The following SLC25A48 variants were observed in gnomAD, a reference collection of about 807,000 sequenced individuals.
The protein encoded by SLC25A48 is CTC-321K16.1.
Under a neutral mutation model 32.2 loss-of-function variants are expected in SLC25A48, and 29 were observed. That is an observed-to-expected ratio of 0.90 (90% CI 0.67 to 1.23). The LOEUF (loss-of-function observed/expected upper bound fraction) is 1.23, where lower values mean the gene tolerates loss of function less well. Ranked by LOEUF, SLC25A48 falls within the 50% of genes most tolerant of loss-of-function variation. SLC25A48 has a pLI of 0.00. For missense variants in SLC25A48, 399 were observed against 422.7 expected, an observed-to-expected ratio of 0.94 and a Z score of 0.49; for synonymous variants, 164 against 172.3, an observed-to-expected ratio of 0.95 and a Z score of 0.38.
intron 3 of SLC25A48, among the ~76,000 whole-genome samples, chr5:135,715,025 G>A (rs1242263117): frequency 6.6e-6 from 1 of 152,172 alleles, no homozygotes. Flanking sequence ...GAAAGAATCT[G>A]CCCCATGGTT....
chr5:135,631,818 T>C (rs978147086), intron 2 of SLC25A48, among the ~76,000 whole-genome samples: 1 of 152,250 alleles, frequency 6.6e-6, no homozygotes, highest in Non-Finnish European at 1.5e-5. Context: ...GACTGCCACA[T>C]GATTTAAAGA....
intron 4 of SLC25A48, among the ~76,000 whole-genome samples, chr5:135,869,824 T>C (rs1457696546): frequency 6.6e-6 from 1 of 152,062 alleles, no homozygotes; most frequent in Non-Finnish European, 1.5e-5. Context: ...CCGGCTCACC[T>C]CCTATGGGAT....
intron 3 of SLC25A48, among the ~76,000 whole-genome samples, chr5:135,759,077 A>G (rs945445559): frequency 6.6e-6 from 1 of 152,018 alleles, no homozygotes; most frequent in Non-Finnish European, 1.5e-5. Context: ...TATGAATAAT[A>G]TCTAGTGTTA....
At position 135,888,152 on chromosome 5, in the gene SLC25A48, A is replaced by G. The variant is rs1388007593; in HGVS notation, c.*128A>G. 39 of 1,475,054 alleles carry G rather than the reference A, an allele frequency of 2.6e-5. No individual in the cohort carries two copies. Among genetic ancestry groups the G allele is most frequent in the African/African-American group, 1.4e-5 (1 of 70,930 alleles). The allele number at this position is 1,475,054 out of a possible 1,614,324, so 91.4% of individuals were successfully genotyped here. A position where few individuals can be genotyped will look rare whatever the true frequency, so the allele number is the denominator to read the frequency against. ...GGACATCAATTAGCAAGCGTGGGCT[A>G]GGATGGTGCAGACACTGACGTGGCC... On this transcript the variant is annotated 3_prime_UTR_variant, in exon 8 of 8. Transcript: ENST00000681962.
intron 3 of SLC25A48, among the ~76,000 whole-genome samples, chr5:135,717,773 C>T (rs1405014356): frequency 6.6e-6 from 1 of 152,130 alleles, no homozygotes; most frequent in African/African-American, 2.4e-5. Flanking sequence ...CCCTGCTGAT[C>T]CCACGATTTG....
At chr5:135,854,988 G>A (rs1760185906) in intron 4 of SLC25A48, among the ~76,000 whole-genome samples, 1 of 152,232 alleles carries the variant, frequency 6.6e-6, no homozygotes, top group Admixed American at 6.5e-5. Context: ...AGGGCAGCCT[G>A]AGGAGAGGGA....
chr5:135,662,608 C>T (rs1333677494), intron 3 of SLC25A48, among the ~76,000 whole-genome samples: 1 of 152,148 alleles, frequency 6.6e-6, no homozygotes, highest in East Asian at 1.9e-4. Flanking sequence ...GAGTTCAAAT[C>T]CTGGCTCTTC....
intron 7 of SLC25A48, among the ~76,000 whole-genome samples, chr5:135,882,496 A>C (rs923767503): frequency 5.3e-5 from 8 of 152,188 alleles, no homozygotes; most frequent in African/African-American, 1.7e-4. Flanking sequence ...CCATCTCGAG[A>C]GTTCCTGAGT....
At chr5:135,636,786 C>T (rs564625240) in intron 3 of SLC25A48, among the ~76,000 whole-genome samples, 1 of 152,358 alleles carries the variant, frequency 6.6e-6, no homozygotes, top group South Asian at 2.1e-4. Flanking sequence ...TTTTCAACTT[C>T]CGTTACCTCG....
intron 7 of SLC25A48, among the ~76,000 whole-genome samples, chr5:135,881,321 G>A (rs1762457557): frequency 6.6e-6 from 1 of 152,208 alleles, no homozygotes; most frequent in Non-Finnish European, 1.5e-5. Flanking sequence ...GAGCTGGCAG[G>A]GGCATTCTCG....
At chr5:135,839,369 A>G (rs1461343556) in intron 1 of SLC25A48, among the ~76,000 whole-genome samples, 1 of 152,162 alleles carries the variant, frequency 6.6e-6, no homozygotes, top group African/African-American at 2.4e-5. Flanking sequence ...TGGTTGCCCC[A>G]CTGGATTTCA....
chr5:135,602,522 A>T (rs1751821244), intron 1 of SLC25A48, among the ~76,000 whole-genome samples: 2 of 151,530 alleles, frequency 1.3e-5, no homozygotes, highest in South Asian at 4.2e-4. Context: ...TAAGTAGAAT[A>T]TTTGTGTGTT....
chr5:135,661,235 G>A (rs951563649), intron 3 of SLC25A48, among the ~76,000 whole-genome samples: 2 of 152,210 alleles, frequency 1.3e-5, no homozygotes, highest in African/African-American at 2.4e-5. Flanking sequence ...TTCCTTCACC[G>A]GATAGGCAGA....
At chr5:135,834,596 C>T (rs1758339983), upstream of SLC25A48, 1 of 479,110 alleles carries the variant, frequency 2.1e-6, no homozygotes, top group Non-Finnish European at 3.7e-6. Context: ...GCGGAGCGCA[C>T]CCTTATCCAC....
intron 3 of SLC25A48, among the ~76,000 whole-genome samples, chr5:135,724,858 A>G (rs1479796036): frequency 1.3e-5 from 2 of 152,240 alleles, no homozygotes; most frequent in Admixed American, 6.5e-5. Flanking sequence ...GAAACTGGAA[A>G]GAAGGCAGTG....
intron 3 of SLC25A48, among the ~76,000 whole-genome samples, chr5:135,737,480 C>G (rs1204058220): frequency 6.6e-6 from 1 of 152,164 alleles, no homozygotes; most frequent in Non-Finnish European, 1.5e-5. Context: ...GGCTCAGAGA[C>G]CTGACATGGA....
At chr5:135,879,611 A>AGTGTGTGTGTGTGTGTGT (rs775091968) in intron 6 of SLC25A48, among the ~76,000 whole-genome samples, 1 of 119,416 alleles carries the variant, frequency 8.4e-6, no homozygotes, top group Non-Finnish European at 1.6e-5. Context: ...AGAGAGAGAG[A>AGTGTGTGTGTGTGTGTGT]GTGTGTGTGT....
intron 3 of SLC25A48, among the ~76,000 whole-genome samples, chr5:135,790,174 TATG>T (rs1374408936): frequency 4.0e-5 from 6 of 151,834 alleles, no homozygotes; most frequent in African/African-American, 1.5e-4. Context: ...TAATTCTCAA[TATG>T]ATATTATTCA....
intron 3 of SLC25A48, chr5:135,649,555 TC>T (rs1753054344): frequency 6.6e-6 from 1 of 152,282 alleles, no homozygotes; most frequent in African/African-American, 2.4e-5. Flanking sequence ...GATGGGGTAG[TC>T]AGGGAAGACT....
Sources: allele counts gnomAD v4.1 joint callset (sites outside exome capture counted in the v4.1 genomes callset), GRCh38; gene constraint gnomAD v4.1.1; transcripts MANE v1.5; gene names NCBI Gene and HGNC (gene_info 2026-07-23, HGNC 2026-07-21).